KCNMA1: variants seen among roughly 807,000 people sequenced by gnomAD.
KCNMA1 encodes the protein potassium calcium-activated channel subfamily M alpha 1.
A neutral mutation model predicts 140.0 loss-of-function variants in KCNMA1; 29 were observed. The observed-to-expected ratio is 0.21, with a 90% CI of 0.15 to 0.28. KCNMA1 has a LOEUF of 0.28. KCNMA1 is among the 10% of genes least tolerant of loss of function. KCNMA1 has a pLI of 1.00. For synonymous variants in KCNMA1, 612 were observed against 611.9 expected (o/e 1.00, Z 0.00); for missense variants, 880 against 1,602.2 (o/e 0.55, Z 7.70).
chr10:77,519,065 C>T (rs1005884674), intron 1 of KCNMA1, among the ~76,000 whole-genome samples: 2 of 152,254 alleles, frequency 1.3e-5, no homozygotes, highest in African/African-American at 4.8e-5. Flanking sequence ...CCATTGGCTC[C>T]GTCCACTCAC....
intron 5 of KCNMA1, among the ~76,000 whole-genome samples, chr10:77,147,120 C>T (rs922171299): frequency 6.6e-6 from 1 of 152,210 alleles, no homozygotes; most frequent in East Asian, 1.9e-4. Flanking sequence ...TTTTAGCTGA[C>T]AAGTGAGTAA....
chr10:77,596,618 T>C (rs2081013565), intron 1 of KCNMA1, among the ~76,000 whole-genome samples: 1 of 152,172 alleles, frequency 6.6e-6, no homozygotes, highest in South Asian at 2.1e-4. Flanking sequence ...GGGGAAGCAT[T>C]ATCCTTAAGA....
intron 1 of KCNMA1, chr10:77,498,883 G>A (rs2042834169): frequency 6.6e-6 from 1 of 152,158 alleles, no homozygotes; most frequent in South Asian, 2.1e-4. Context: ...AAGAGCACAG[G>A]CTCTGCTGTG....
intron 1 of KCNMA1, among the ~76,000 whole-genome samples, chr10:77,601,266 T>TC (rs2082545613): frequency 6.6e-6 from 1 of 152,100 alleles, no homozygotes; most frequent in African/African-American, 2.4e-5. Flanking sequence ...CACACTCACA[T>TC]CCAGGGACAT....
Position 77,073,196 on chromosome 10 carries a change from G to A in KCNMA1, c.1650C>T (p.Cys550=), listed in dbSNP as rs761364415. 4 of 1,614,102 alleles carry A rather than the reference G, an allele frequency of 2.5e-6. No individual in the cohort carries two copies. The highest frequency in any genetic ancestry group is 3.4e-6 in the Non-Finnish European group (4 of 1,180,018). ...TGAAGCCCAACTTCAACTCTGCGAG[G>A]CAGATTGCGTCATCACCTTCTTTCC... is the stretch of plus-strand genomic sequence containing the variant. The part of the protein sequence containing the change: ...WNWKEGDDAI[C]LAELKLGFIA... Residue 550 remains cysteine, a synonymous_variant, in exon 14 of 28, where the codon TGC becomes TGT. Coordinates refer to ENST00000286628, the MANE Select transcript of KCNMA1 (RefSeq NM_001161352.2).
At chr10:77,344,581 C>T (rs2091754336) in intron 2 of KCNMA1, among the ~76,000 whole-genome samples, 1 of 151,454 alleles carries the variant, frequency 6.6e-6, no homozygotes. Context: ...GAAATGCTTT[C>T]TCTATTTTTT....
intron 2 of KCNMA1, among the ~76,000 whole-genome samples, chr10:77,348,980 A>G (rs1257793877): frequency 2.6e-5 from 4 of 152,198 alleles, no homozygotes; most frequent in African/African-American, 9.7e-5. Flanking sequence ...AAACCAGGAA[A>G]GCTTTTTGTA....
At chr10:77,186,099 C>T (rs977855781) in intron 3 of KCNMA1, among the ~76,000 whole-genome samples, 7 of 152,130 alleles carry the variant, frequency 4.6e-5, no homozygotes, top group African/African-American at 1.2e-4. Flanking sequence ...GTAAGGACAA[C>T]GCTTGGCTGT....
chr10:76,971,275 T>G (rs1428858142), intron 19 of KCNMA1, among the ~76,000 whole-genome samples: 1 of 152,096 alleles, frequency 6.6e-6, no homozygotes, highest in Non-Finnish European at 1.5e-5. Flanking sequence ...AAAAGAGACT[T>G]GATATATGTT....
At chr10:77,496,511 G>T (rs1017951351) in intron 1 of KCNMA1, among the ~76,000 whole-genome samples, 2 of 151,016 alleles carry the variant, frequency 1.3e-5, no homozygotes, top group Non-Finnish European at 3.0e-5. Context: ...GCAGGAGAAT[G>T]GCGTGAACCC....
intron 1 of KCNMA1, among the ~76,000 whole-genome samples, chr10:77,415,414 A>G (rs2096719064): frequency 6.6e-6 from 1 of 152,226 alleles, no homozygotes. Flanking sequence ...CCTGCTGTCC[A>G]TCAGAGACTC....
chr10:76,952,625 CTT>C (rs567243628), intron 21 of KCNMA1, among the ~76,000 whole-genome samples: 1 of 152,232 alleles, frequency 6.6e-6, no homozygotes, highest in Non-Finnish European at 1.5e-5. Flanking sequence ...AGAATTCTGA[CTT>C]TCTGTGCTCT....
At chr10:76,962,759 A>T (rs999998020) in intron 20 of KCNMA1, among the ~76,000 whole-genome samples, 12 of 152,140 alleles carry the variant, frequency 7.9e-5, no homozygotes, top group African/African-American at 2.9e-4. Flanking sequence ...TATTTCCAGA[A>T]TCCAGCAGAG....
chr10:77,169,396 TA>T (rs1193954656), intron 5 of KCNMA1, among the ~76,000 whole-genome samples: 1 of 152,070 alleles, frequency 6.6e-6, no homozygotes, highest in Non-Finnish European at 1.5e-5. Context: ...TTTTTATTTT[TA>T]TTTTTTTTTT....
At chr10:77,581,585 G>T (rs1010532958) in intron 1 of KCNMA1, among the ~76,000 whole-genome samples, 2 of 152,270 alleles carry the variant, frequency 1.3e-5, no homozygotes, top group South Asian at 4.1e-4. Context: ...GATTACAGGC[G>T]TGAGCCACCA....
intron 3 of KCNMA1, among the ~76,000 whole-genome samples, chr10:77,243,836 A>G (rs987924691): frequency 1.1e-4 from 17 of 152,312 alleles, no homozygotes; most frequent in Admixed American, 3.3e-4. Context: ...AGTACAAAAA[A>G]GAGAGGGAGA....
Position 76,886,067 on chromosome 10 carries a change from G to A in KCNMA1, c.*1199C>T. On this transcript the variant is annotated 3_prime_UTR_variant, in exon 28 of 28. Transcript: ENST00000286628. ...CACAGCTGTGCCAACAGTTGAAGGTGGTGGCTGGCTTTTGTCTTTGTTGAG... is the reference window on the plus strand; with the variant it reads ...CACAGCTGTGCCAACAGTTGAAGGTAGTGGCTGGCTTTTGTCTTTGTTGAG... 2 of 985,410 alleles carry A rather than the reference G, an allele frequency of 2.0e-6. No individual in the cohort carries two copies. Among genetic ancestry groups the A allele is most frequent in the Non-Finnish European group, 2.4e-6 (2 of 829,934 alleles). 61.0% of individuals were successfully genotyped at this position (985,410 alleles called of 1,614,324 possible).
In KCNMA1 at chr10:77,203,091, A is replaced by T. The variant is rs118097375; in HGVS notation, c.603-18175T>A. Among the ~76,000 whole-genome samples the T allele has an allele frequency of 1.8e-3, 271 of 152,344 alleles. 2 individuals are homozygous for T. Among genetic ancestry groups the T allele is most frequent in the Non-Finnish European group, 3.0e-3 (207 of 68,030 alleles). The stretch of plus-strand genomic sequence containing the variant: ...CTGCAAGTGGCTTGGGCTTTTAAGA[A>T]GTCTGGAAGTACCATCTTTTTCTTG... On this transcript the variant is annotated intron_variant, in intron 3 of 27. Transcript: ENST00000286628.
At chr10:77,362,865 T>C (rs978252295) in intron 2 of KCNMA1, among the ~76,000 whole-genome samples, 2 of 152,252 alleles carry the variant, frequency 1.3e-5, no homozygotes, top group African/African-American at 4.8e-5. Context: ...TGCTGCTGTC[T>C]GGGCCAAGCC....
Sources: allele counts gnomAD v4.1 joint callset (sites outside exome capture counted in the v4.1 genomes callset), GRCh38; gene constraint gnomAD v4.1.1; transcripts MANE v1.5; gene names NCBI Gene and HGNC (gene_info 2026-07-23, HGNC 2026-07-21).